Variants in NAV1 observed in about 807,000 individuals in gnomAD.
The protein encoded by NAV1 is neuron navigator 1.
In NAV1, 18 loss-of-function variants were observed where a neutral mutation model predicts 175.2. That is an observed-to-expected ratio of 0.10 (90% CI 0.07 to 0.15). The LOEUF is 0.15. Among genes scored for constraint, NAV1 ranks in the 10% least tolerant of loss-of-function variants. NAV1 has a pLI of 1.00. For missense variants in NAV1, 1,731 were observed against 2,436.6 expected, an observed-to-expected ratio of 0.71 and a Z score of 6.10; for synonymous variants, 897 against 978.7, an observed-to-expected ratio of 0.92 and a Z score of 1.56.
intron 1 of NAV1, among the ~76,000 whole-genome samples, chr1:201,712,066 C>T (rs1671930829): frequency 6.6e-6 from 1 of 152,184 alleles, no homozygotes; most frequent in South Asian, 2.1e-4. Flanking sequence ...AGGATTGCAC[C>T]ACTTGTGTGG....
At chr1:201,821,189 CT>C (rs1679357736) in exon 30 of NAV1, 1 of 152,664 alleles carries the variant, frequency 6.6e-6, no homozygotes, top group Non-Finnish European at 1.5e-5. Flanking sequence ...AAACATTCCT[CT>C]GTCTTGTGGC....
chr1:201,728,143 A>G (rs544816786), intron 3 of NAV1, among the ~76,000 whole-genome samples: 27 of 151,704 alleles, frequency 1.8e-4, no homozygotes, highest in Admixed American at 1.4e-3. Context: ...TTTTTTTGAG[A>G]CAGGATCTCA....
intron 3 of NAV1, among the ~76,000 whole-genome samples, chr1:201,758,961 G>A (rs1674674472): frequency 1.3e-5 from 2 of 152,170 alleles, no homozygotes; most frequent in South Asian, 2.1e-4. Context: ...TTCAGTTCTT[G>A]TTGTAAGTAA....
intron 1 of NAV1, among the ~76,000 whole-genome samples, chr1:201,558,270 C>A (rs745511593): frequency 5.4e-4 from 82 of 152,266 alleles, no homozygotes; most frequent in Non-Finnish European, 6.2e-4. Context: ...TACCCTTCTA[C>A]ATAGGGGAAG....
rs750485103 is a variant in NAV1 at position 201,648,751 on chromosome 1, G to A, written c.83G>A (p.Arg28Gln). ...GGCGACGAGGGCGCGGACGAACCGC[G>A]GGGCGCCGGCAGGAAGGCGGCAGCG... The change falls in exon 1 of 30, where the codon CGG becomes CAG. Residue 28 changes from arginine (R) to glutamine (Q), a missense_variant. By Grantham distance (43) the Arg-to-Gln change is conservative. This residue lies in a region of NAV1 where 487 missense variants were observed against 581.3 expected (regional missense o/e 0.84). Coordinates refer to ENST00000367296, the Ensembl canonical transcript of NAV1. The A allele has an allele frequency of 9.5e-5, 133 of 1,403,228 alleles. No individual in the cohort carries two copies. In the African/African-American group the frequency reaches 1.8e-3, roughly 19 times the overall value. The allele number at this position is 1,403,228 out of a possible 1,614,324, so 86.9% of individuals were successfully genotyped here.
intron 1 of NAV1, among the ~76,000 whole-genome samples, chr1:201,543,854 G>A (rs991534803): frequency 8.5e-5 from 13 of 152,142 alleles, no homozygotes; most frequent in Admixed American, 5.2e-4. Context: ...CCAAGGCCCC[G>A]GCAACCGCCA....
At chr1:201,781,236 G>T (rs1455015913) in exon 5 of NAV1, 1 of 1,614,006 alleles carries the variant, frequency 6.2e-7, no homozygotes, top group Non-Finnish European at 8.5e-7. Flanking sequence ...GTTCCCTGAA[G>T]AAGGGCAAGA....
intron 1 of NAV1, among the ~76,000 whole-genome samples, chr1:201,655,375 AC>A (rs1464968286): frequency 6.6e-6 from 1 of 151,054 alleles, no homozygotes; most frequent in African/African-American, 2.4e-5. Context: ...CTCCCCCCAC[AC>A]CCTGTTTGGA....
intron 1 of NAV1, among the ~76,000 whole-genome samples, chr1:201,666,361 A>T (rs1669824235): frequency 1.3e-5 from 2 of 152,046 alleles, no homozygotes; most frequent in African/African-American, 4.8e-5. Context: ...ACAAAAAAAA[A>T]AATAAATCAT....
intron 29 of NAV1, among the ~76,000 whole-genome samples, chr1:201,817,767 T>C (rs887666596): frequency 2.0e-5 from 3 of 152,186 alleles, no homozygotes; most frequent in African/African-American, 7.2e-5. Flanking sequence ...CTACTTCTGC[T>C]TCTCCTCTGA....
chr1:201,692,812 G>C (rs905023357), intron 1 of NAV1, among the ~76,000 whole-genome samples: 1 of 152,268 alleles, frequency 6.6e-6, no homozygotes, highest in African/African-American at 2.4e-5. Flanking sequence ...AGTCAAGCCA[G>C]ACACTTACCA....
intron 1 of NAV1, among the ~76,000 whole-genome samples, chr1:201,627,312 G>A (rs1260993575): frequency 5.3e-5 from 8 of 150,484 alleles, no homozygotes; most frequent in South Asian, 2.1e-4. Flanking sequence ...TCACTCTGTC[G>A]CCCAGGCTGG....
At chr1:201,620,368 C>G (rs1450758071), upstream of NAV1, among the ~76,000 whole-genome samples, 2 of 151,328 alleles carry the variant, frequency 1.3e-5, no homozygotes, top group African/African-American at 4.9e-5. Context: ...GTACATAAAT[C>G]TTTGCTCCCA....
At chr1:201,793,415 A>G (rs945746597) in intron 13 of NAV1, 2 of 173,166 alleles carry the variant, frequency 1.2e-5, no homozygotes, top group African/African-American at 4.8e-5. Context: ...CAGGAGTTAA[A>G]CCAAAATAAT....
At chr1:201,667,508 G>C (rs1669874079) in intron 1 of NAV1, among the ~76,000 whole-genome samples, 1 of 152,210 alleles carries the variant, frequency 6.6e-6, no homozygotes, top group Non-Finnish European at 1.5e-5. Context: ...CAGCCGGTGA[G>C]TGGCAGATCA....
intron 1 of NAV1, among the ~76,000 whole-genome samples, chr1:201,670,329 C>T (rs1463571037): frequency 7.5e-5 from 10 of 133,874 alleles, no homozygotes; most frequent in African/African-American, 8.8e-5. Flanking sequence ...TGCAGTGAAC[C>T]GAGATCATGC....
Position 201,604,110 on chromosome 1 carries a change from C to T in NAV1, c.-33+15461C>T, listed in dbSNP as rs564950704. ...CTCGCTTTGTCACCAGGCTGGAGTG[C>T]AGTGGCACGATCACTGCTCACTGCA... On this transcript the variant is annotated intron_variant, in intron 2 of 33. Coordinates refer to the NAV1 transcript ENST00000685211. 3.9e-5 allele frequency among the ~76,000 whole-genome samples: 6 copies of T among 152,274 alleles called. No homozygotes were observed. The South Asian group carries it at 1.2e-3, about 32-fold the overall frequency.
chr1:201,669,989 A>T lies in NAV1; in HGVS notation c.757+20564A>T, dbSNP rs550860992. Among the ~76,000 whole-genome samples the T allele has an allele frequency of 5.9e-5, 9 of 152,068 alleles. No individual in the cohort carries two copies. The East Asian group carries it at 1.7e-3, about 29-fold the overall frequency. ...TTTTTTTTTTCATTTTTACTTTTTTAAAAAATAAAAGTACTTCATTTTGCC... is the reference window on the plus strand; with the variant it reads ...TTTTTTTTTTCATTTTTACTTTTTTTAAAAATAAAAGTACTTCATTTTGCC... On this transcript the variant is annotated intron_variant, in intron 1 of 29. Coordinates refer to ENST00000367296, the Ensembl canonical transcript of NAV1.
chr1:201,638,413 G>C (rs879889647), intron 2 of NAV1, among the ~76,000 whole-genome samples: 3 of 152,188 alleles, frequency 2.0e-5, no homozygotes, highest in Admixed American at 1.3e-4. Context: ...TGCAGTCCTA[G>C]ATCATGCAGA....
Sources: gnomAD v4.1 joint callset for allele counts (sites outside exome capture counted in the v4.1 genomes callset) on GRCh38, gnomAD v4.1.1 for gene constraint, gnomAD v4.1.1 regional missense constraint, MANE v1.5 for transcripts, NCBI Gene and HGNC (gene_info 2026-07-23, HGNC 2026-07-21) for gene names.